Variants in WDR72 observed in about 807,000 individuals in gnomAD.
WDR72 encodes WD repeat-containing protein 72.
In WDR72, 120 loss-of-function variants were observed where a neutral mutation model predicts 124.2. The observed-to-expected ratio is 0.97, with a 90% CI of 0.83 to 1.12. The LOEUF (loss-of-function observed/expected upper bound fraction) is 1.12. Among genes scored for constraint, WDR72 ranks in the 50% most tolerant of loss-of-function variants. The pLI is 0.00. For synonymous variants in WDR72, 452 were observed against 441.7 expected (o/e 1.02, Z -0.29); for missense variants, 1,387 against 1,278.8 (o/e 1.08, Z -1.29).
At chr15:53,544,721 T>A (rs1893353826) in intron 18 of WDR72, among the ~76,000 whole-genome samples, 1 of 147,006 alleles carries the variant, frequency 6.8e-6, no homozygotes, top group South Asian at 2.1e-4. Context: ...GAAGTCAAAT[T>A]GTCCCTGTTT....
intron 1 of WDR72, among the ~76,000 whole-genome samples, chr15:53,750,380 C>G (rs1595888953): frequency 6.6e-6 from 1 of 152,176 alleles, no homozygotes; most frequent in East Asian, 1.9e-4. Context: ...TTGTTGAGAT[C>G]TACTGCTCAG....
At chr15:53,629,201 A>AGAGAGAGAGAGT (rs976597252) in intron 14 of WDR72, among the ~76,000 whole-genome samples, 1 of 147,698 alleles carries the variant, frequency 6.8e-6, no homozygotes, top group Non-Finnish European at 1.5e-5. Context: ...CGAGAGAGAG[A>AGAGAGAGAGAGT]GAGAGAGAGA....
At chr15:53,609,990 T>C (rs2013470370) in intron 16 of WDR72, among the ~76,000 whole-genome samples, 3 of 152,108 alleles carry the variant, frequency 2.0e-5, no homozygotes, top group Admixed American at 2.0e-4. Context: ...AATCTTACAA[T>C]TCCTTCCTTA....
At chr15:53,616,552 T>C (rs973941434) in intron 14 of WDR72, among the ~76,000 whole-genome samples, 3 of 151,960 alleles carry the variant, frequency 2.0e-5, no homozygotes, top group Non-Finnish European at 4.4e-5. Context: ...ATCTTTCTAC[T>C]ATTATTGTCA....
rs76679205 is a variant in WDR72 at position 53,683,481 on chromosome 15, C to T, written c.1765+16269G>A. On this transcript the variant is annotated intron_variant, in intron 13 of 19. Transcript: ENST00000360509. ...ATATGTAAAATCTTATGTATCCATA[C>T]AAAATTTTTTAAAATAAGGATAGTA... Among the ~76,000 whole-genome samples, 504 of 152,118 alleles carry T rather than the reference C, an allele frequency of 3.3e-3. 5 individuals carry two copies. Among genetic ancestry groups the T allele is most frequent in the Non-Finnish European group, 4.3e-3 (294 of 67,958 alleles).
intron 15 of WDR72, among the ~76,000 whole-genome samples, chr15:53,615,124 GTATC>G (rs903234079): frequency 5.8e-4 from 88 of 152,008 alleles, no homozygotes; most frequent in Middle Eastern, 3.4e-3. Context: ...ATGTATGTAT[GTATC>G]TATCTATCAA....
intron 1 of WDR72, among the ~76,000 whole-genome samples, chr15:53,745,575 A>G (rs1229094210): frequency 2.0e-5 from 3 of 152,234 alleles, no homozygotes; most frequent in Non-Finnish European, 2.9e-5. Context: ...TTTCAGATGA[A>G]CAACAAATAA....
chr15:53,681,645 G>T (rs2016387790), intron 13 of WDR72, among the ~76,000 whole-genome samples: 1 of 152,308 alleles, frequency 6.6e-6, no homozygotes, highest in South Asian at 2.1e-4. Context: ...CTTAATTGAT[G>T]AAAGTAATTT....
chr15:53,700,607 G>T (rs1389479355), intron 12 of WDR72, among the ~76,000 whole-genome samples: 1 of 152,150 alleles, frequency 6.6e-6, no homozygotes, highest in Non-Finnish European at 1.5e-5. Flanking sequence ...GGATTCTAAT[G>T]ATCTAGCCAG....
chr15:53,696,550 T>C (rs570174995), intron 13 of WDR72, among the ~76,000 whole-genome samples: 6 of 152,368 alleles, frequency 3.9e-5, no homozygotes, highest in Admixed American at 3.3e-4. Context: ...GTATATTCCA[T>C]ACCTTCAAAT....
intron 14 of WDR72, among the ~76,000 whole-genome samples, chr15:53,623,738 G>C (rs1381494006): frequency 6.6e-6 from 1 of 152,132 alleles, no homozygotes. Flanking sequence ...TTCCACAGTA[G>C]GTGAACTAAT....
chr15:53,679,730 T>C (rs1481075889), intron 13 of WDR72, among the ~76,000 whole-genome samples: 1 of 152,200 alleles, frequency 6.6e-6, no homozygotes, highest in Non-Finnish European at 1.5e-5. Context: ...AGATGGCATT[T>C]TGTAGGAAAC....
Position 53,516,429 on chromosome 15 carries a change from T to A in WDR72, c.*1270A>T, listed in dbSNP as rs1380167614. On this transcript the variant is annotated 3_prime_UTR_variant, in exon 20 of 20. Coordinates refer to ENST00000360509, the MANE Select transcript of WDR72 (RefSeq NM_182758.4). ...AGCATAAGACCTGAGGCTGGTCCCA[T>A]GCTCAAAAATGTTTCTTTAATTGAA... 6.6e-6 allele frequency: 1 copy of A among 152,108 alleles called. No homozygotes were observed. The highest frequency in any genetic ancestry group is 1.5e-5 in the Non-Finnish European group (1 of 67,986). The allele number at this position is 152,108 out of a possible 1,614,324, so 9.4% of individuals were successfully genotyped here.
At chr15:53,520,389 A>G (rs1891725204) in intron 19 of WDR72, among the ~76,000 whole-genome samples, 1 of 152,112 alleles carries the variant, frequency 6.6e-6, no homozygotes, top group South Asian at 2.1e-4. Context: ...TCAGCTTTGT[A>G]ACTGGGGGAT....
At chr15:53,671,347 T>C (rs1197714679) in intron 13 of WDR72, among the ~76,000 whole-genome samples, 1 of 152,220 alleles carries the variant, frequency 6.6e-6, no homozygotes, top group African/African-American at 2.4e-5. Context: ...AGAAGCCTTC[T>C]AAAATAGATT....
chr15:53,715,715 G>C lies in WDR72; in HGVS notation c.340-348C>G, dbSNP rs183012232. On this transcript the variant is annotated intron_variant, in intron 4 of 19. Coordinates refer to ENST00000360509, the MANE Select transcript of WDR72 (RefSeq NM_182758.4). ...TTCATGCCTATAATCCCAGTGCTTTGGGAGGAGGCTATGGTGGGAAGACCA... is the reference window on the plus strand; with the variant it reads ...TTCATGCCTATAATCCCAGTGCTTTCGGAGGAGGCTATGGTGGGAAGACCA... Among the ~76,000 whole-genome samples, 11 of 152,260 alleles carry C rather than the reference G, an allele frequency of 7.2e-5. No individual in the cohort carries two copies. The East Asian group carries it at 2.1e-3, about 29-fold the overall frequency.
At chr15:53,531,329 C>T (rs1366647236) in intron 18 of WDR72, among the ~76,000 whole-genome samples, 1 of 152,028 alleles carries the variant, frequency 6.6e-6, no homozygotes, top group Admixed American at 6.6e-5. Context: ...TCTCACACCC[C>T]CACACCCTCC....
chr15:53,688,299 T>C (rs1372365507), intron 13 of WDR72, among the ~76,000 whole-genome samples: 1 of 148,792 alleles, frequency 6.7e-6, no homozygotes, highest in Non-Finnish European at 1.5e-5. Context: ...GACATGATTG[T>C]ATATCTAGAA....
intron 1 of WDR72, among the ~76,000 whole-genome samples, chr15:53,750,591 C>G (rs777512631): frequency 6.6e-6 from 1 of 152,138 alleles, no homozygotes; most frequent in African/African-American, 2.4e-5. Flanking sequence ...GCTATAGCTG[C>G]CATAGGTAGA....
Sources: allele counts gnomAD v4.1 joint callset (sites outside exome capture counted in the v4.1 genomes callset), GRCh38; gene constraint gnomAD v4.1.1; transcripts MANE v1.5; gene names NCBI Gene and HGNC (gene_info 2026-07-23, HGNC 2026-07-21).